The following GABRB1 variants were observed in gnomAD, a reference collection of about 807,000 sequenced individuals.
The protein encoded by GABRB1 is gamma-aminobutyric acid type A receptor subunit beta1, also known as gamma-aminobutyric acid receptor subunit beta-1.
In GABRB1, 17 loss-of-function variants were observed where a neutral mutation model predicts 51.6. The observed-to-expected ratio is 0.33, with a 90% confidence interval of 0.23 to 0.49. GABRB1 has a LOEUF of 0.49. Among genes scored for constraint, GABRB1 ranks in the 20% least tolerant of loss-of-function variants. The pLI is 0.99. For synonymous variants in GABRB1, 247 were observed against 218.9 expected, an observed-to-expected ratio of 1.13 and a Z score of -1.14; for missense variants, 410 against 600.6, an observed-to-expected ratio of 0.68 and a Z score of 3.32.
At chr4:47,372,635 T>C (rs1216409783) in intron 5 of GABRB1, among the ~76,000 whole-genome samples, 6 of 152,228 alleles carry the variant, frequency 3.9e-5, no homozygotes, top group Non-Finnish European at 7.3e-5. Flanking sequence ...GTCGGCTCTG[T>C]CACCCTGCTT....
rs75164766 is a variant in GABRB1, at chr4:47,284,881, T to C, written c.462-35246T>C. Among the ~76,000 whole-genome samples, 746 of 152,294 alleles carry C rather than the reference T, an allele frequency of 4.9e-3. 4 individuals carry two copies. Among genetic ancestry groups the C allele is most frequent in the African/African-American group, 0.017 (691 of 41,564 alleles). On this transcript the variant is annotated intron_variant, in intron 4 of 8. Transcript: ENST00000295454. The stretch of plus-strand genomic sequence containing the variant: ...TGAAGAAAAGAGATAGTTTTAAAAA[T>C]GCATAACTAAAAAATAAAAAACAAT...
chr4:47,007,342 A>G (rs1330825856), intron 1 of GABRB1, among the ~76,000 whole-genome samples: 1 of 152,192 alleles, frequency 6.6e-6, no homozygotes, highest in Non-Finnish European at 1.5e-5. Flanking sequence ...TTCTCAATTT[A>G]TCTGAACCTC....
chr4:47,346,092 GAA>G lies in GABRB1; in HGVS notation c.544+25887_544+25888del, dbSNP rs564990533. Among the ~76,000 whole-genome samples, 8 of 151,850 alleles carry G rather than the reference GAA, an allele frequency of 5.3e-5. No individual in the cohort carries two copies. The South Asian group carries it at 1.5e-3, about 28-fold the overall frequency. On this transcript the variant is annotated intron_variant, in intron 5 of 8. Transcript: ENST00000295454. ...ATACCCCTATCAATAACAGTGAGAAGAAAAAGAGAAAGAATTTGTTTGTTTAT... is the reference window on the plus strand; with the variant it reads ...ATACCCCTATCAATAACAGTGAGAAGAAAGAGAAAGAATTTGTTTGTTTAT...
intron 3 of GABRB1, among the ~76,000 whole-genome samples, chr4:47,112,753 TA>T (rs11383226): frequency 0.015 from 2,154 of 147,584 alleles, 39 homozygotes; most frequent in African/African-American, 0.048. Context: ...CACAGTGAAA[TA>T]AAAAAAAAAA....
chr4:47,111,447 AT>A (rs35752859), intron 3 of GABRB1, among the ~76,000 whole-genome samples: 37,346 of 151,380 alleles, frequency 0.25, 5,950 homozygotes, highest in Middle Eastern at 0.42. Flanking sequence ...ATATATATGG[AT>A]TTAAAATTAA....
At chr4:47,360,955 C>A (rs576539376) in intron 5 of GABRB1, among the ~76,000 whole-genome samples, 1 of 152,144 alleles carries the variant, frequency 6.6e-6, no homozygotes, top group East Asian at 1.9e-4. Flanking sequence ...TCACAACAAC[C>A]CAATGAGAAT....
chr4:47,068,750 T>C (rs549977153), intron 3 of GABRB1, among the ~76,000 whole-genome samples: 55 of 152,232 alleles, frequency 3.6e-4, no homozygotes, highest in African/African-American at 1.2e-3. Context: ...ATAATAATCA[T>C]GAAAACATTT....
At chr4:47,201,648 A>G (rs1427016492) in intron 4 of GABRB1, among the ~76,000 whole-genome samples, 1 of 152,174 alleles carries the variant, frequency 6.6e-6, no homozygotes, top group Non-Finnish European at 1.5e-5. Context: ...GTGGGTATAT[A>G]TATGTTTTAT....
At chr4:47,396,122 G>T (rs1209358345) in intron 5 of GABRB1, among the ~76,000 whole-genome samples, 2 of 152,158 alleles carry the variant, frequency 1.3e-5, no homozygotes, top group Non-Finnish European at 2.9e-5. Flanking sequence ...TGTTTAACTG[G>T]ACTTACAGTT....
chr4:47,393,424 G>A (rs935137792), intron 5 of GABRB1, among the ~76,000 whole-genome samples: 1 of 151,762 alleles, frequency 6.6e-6, no homozygotes, highest in Admixed American at 6.6e-5. Flanking sequence ...AGTCAATTAG[G>A]AGCAGAAAGG....
chr4:47,204,751 C>A (rs1038834338), intron 4 of GABRB1, among the ~76,000 whole-genome samples: 1 of 152,156 alleles, frequency 6.6e-6, no homozygotes, highest in Non-Finnish European at 1.5e-5. Flanking sequence ...TAAGATGTGA[C>A]TTGTTCCTCC....
At chr4:47,172,371 A>G (rs1299112333) in intron 4 of GABRB1, among the ~76,000 whole-genome samples, 1 of 152,176 alleles carries the variant, frequency 6.6e-6, no homozygotes, top group Non-Finnish European at 1.5e-5. Flanking sequence ...AAGTAATCGA[A>G]CAACAAGTAC....
intron 3 of GABRB1, among the ~76,000 whole-genome samples, chr4:47,083,356 C>T (rs955080111): frequency 4.6e-5 from 7 of 152,154 alleles, no homozygotes; most frequent in Admixed American, 4.6e-4. Flanking sequence ...TGTGCATGCA[C>T]ACACACATAT....
At chr4:47,112,753 TAA>T (rs11383226) in intron 3 of GABRB1, among the ~76,000 whole-genome samples, 9 of 147,844 alleles carry the variant, frequency 6.1e-5, no homozygotes, top group African/African-American at 2.0e-4. Context: ...CACAGTGAAA[TAA>T]AAAAAAAAAA....
chr4:47,199,651 G>A (rs907595068), intron 4 of GABRB1, among the ~76,000 whole-genome samples: 2 of 152,132 alleles, frequency 1.3e-5, no homozygotes, highest in Admixed American at 1.3e-4. Flanking sequence ...AGGACACAAG[G>A]TGAAGGACAT....
intron 4 of GABRB1, among the ~76,000 whole-genome samples, chr4:47,280,338 T>C (rs1008978901): frequency 6.6e-6 from 1 of 151,904 alleles, no homozygotes; most frequent in Admixed American, 6.6e-5. Flanking sequence ...ATAATTTGTG[T>C]CCCTTAAACA....
intron 5 of GABRB1, among the ~76,000 whole-genome samples, chr4:47,365,814 G>C (rs1482969313): frequency 6.6e-6 from 1 of 152,138 alleles, no homozygotes; most frequent in Non-Finnish European, 1.5e-5. Flanking sequence ...TCTGGATTCT[G>C]AGCACAGCTA....
chr4:47,085,059 T>C (rs1227587975), intron 3 of GABRB1, among the ~76,000 whole-genome samples: 1 of 152,184 alleles, frequency 6.6e-6, no homozygotes, highest in African/African-American at 2.4e-5. Context: ...ACTCTCATCA[T>C]CTTAGAAGTC....
chr4:47,032,967 A>G (rs1248817091), intron 3 of GABRB1: 5 of 346,708 alleles, frequency 1.4e-5, no homozygotes, highest in Non-Finnish European at 2.3e-5. Flanking sequence ...CTGGGTTTCA[A>G]AGTGTCCTCT....
Sources: gnomAD v4.1 joint callset for allele counts (sites outside exome capture counted in the v4.1 genomes callset) on GRCh38, gnomAD v4.1.1 for gene constraint, MANE v1.5 for transcripts, NCBI Gene and HGNC (gene_info 2026-07-23, HGNC 2026-07-21) for gene names.